ATIC: variants seen among roughly 807,000 people sequenced by gnomAD.
ATIC encodes bifunctional purine biosynthesis protein ATIC.
Under a neutral mutation model 72.5 loss-of-function variants are expected in ATIC, and 64 were observed. That is an observed-to-expected ratio of 0.88 (90% CI 0.72 to 1.09). ATIC has a LOEUF of 1.09. ATIC is among the 50% of genes least tolerant of loss of function. ATIC has a pLI of 0.00. For missense variants in ATIC, 787 were observed against 732.4 expected (o/e 1.07, Z -0.86); for synonymous variants, 281 against 267.1 (o/e 1.05, Z -0.51).
downstream of ATIC, among the ~76,000 whole-genome samples, chr2:215,349,963 C>T (rs2053117375): frequency 6.6e-6 from 1 of 152,126 alleles, no homozygotes; most frequent in African/African-American, 2.4e-5. Flanking sequence ...TGGCACAAGT[C>T]ACTGTGTACA....
At chr2:215,362,281 A>G in the ATIC span, 1 of 587,418 alleles carries the variant, frequency 1.7e-6, no homozygotes, top group Non-Finnish European at 3.1e-6. Context: ...TTATACCTAC[A>G]TCTGTCTCTC....
At chr2:215,338,711 T>A in intron 11 of ATIC, 68 bp from the exon 12 acceptor site, 1 of 1,516,974 alleles carries the variant, frequency 6.6e-7, no homozygotes. Context: ...ATCTTTTGTA[T>A]ATAAATTAAA....
intron 2 of ATIC, 24 bp from the exon 3 acceptor site, chr2:215,318,133 C>G (rs776634842): frequency 6.3e-7 from 1 of 1,598,310 alleles, no homozygotes; most frequent in South Asian, 1.1e-5. Context: ...ACCAGTAGTA[C>G]CATTCTGTTT....
At chr2:215,316,536 C>G (rs2052711614) in intron 2 of ATIC, among the ~76,000 whole-genome samples, 1 of 152,178 alleles carries the variant, frequency 6.6e-6, no homozygotes, top group Non-Finnish European at 1.5e-5. Context: ...TGAATAATCA[C>G]TGTACTCCAG....
intron 2 of ATIC, among the ~76,000 whole-genome samples, chr2:215,313,231 G>A: frequency 6.6e-6 from 1 of 152,260 alleles, no homozygotes. Context: ...TAACTTAGGT[G>A]GGCCACTTGT....
intron 5 of ATIC, 71 bp downstream of exon 5, chr2:215,325,400 G>A: frequency 8.5e-7 from 1 of 1,175,254 alleles, no homozygotes; most frequent in East Asian, 2.4e-5. Context: ...ATTTCATTTT[G>A]AATTTTATTA....
chr2:215,344,076 A>G (rs2053047274), intron 12 of ATIC, among the ~76,000 whole-genome samples: 1 of 152,204 alleles, frequency 6.6e-6, no homozygotes, highest in African/African-American at 2.4e-5. Context: ...TGTCTATGAA[A>G]CAATTCTCCG....
At chr2:215,317,761 T>G (rs1387141493) in intron 2 of ATIC, among the ~76,000 whole-genome samples, 1 of 152,154 alleles carries the variant, frequency 6.6e-6, no homozygotes, top group Non-Finnish European at 1.5e-5. Context: ...AGTGCTGGGT[T>G]TACAGCCATG....
intron 7 of ATIC, among the ~76,000 whole-genome samples, chr2:215,328,880 G>A (rs1028946663): frequency 6.6e-6 from 1 of 152,028 alleles, no homozygotes; most frequent in African/African-American, 2.4e-5. Context: ...ACCACACCTG[G>A]CTAATTTTGT....
chr2:215,343,453 C>T (rs942855129), intron 12 of ATIC, among the ~76,000 whole-genome samples: 18 of 152,140 alleles, frequency 1.2e-4, no homozygotes, highest in African/African-American at 3.9e-4. Flanking sequence ...TCTCCTGTCT[C>T]AGCTTCCCAA....
In ATIC at chr2:215,341,542, C is replaced by T. The variant is rs189083908; in HGVS notation, c.1227+2635C>T. ...AGGATGAGAGAATGATAGCTTTGTTCTCCTTTCTGTTTTACCCGTCTTTTT... is the reference window on the plus strand; with the variant it reads ...AGGATGAGAGAATGATAGCTTTGTTTTCCTTTCTGTTTTACCCGTCTTTTT... On this transcript the variant is annotated intron_variant, in intron 12 of 15. Transcript: ENST00000236959. Among the ~76,000 whole-genome samples, 243 of 152,268 alleles carry T rather than the reference C, an allele frequency of 1.6e-3. 1 individual carries two copies. Among genetic ancestry groups the T allele is most frequent in the Middle Eastern group, 6.8e-3 (2 of 294 alleles).
chr2:215,312,380 G>C, intron 1 of ATIC, 118 bp from the exon 2 acceptor site: 1 of 1,569,952 alleles, frequency 6.4e-7, no homozygotes, highest in South Asian at 1.1e-5. Context: ...GCCTGCGAAC[G>C]CAGGGTCCAG....
Position 215,316,039 on chromosome 2 carries a change from A to G in ATIC, c.147-2118A>G, listed in dbSNP as rs149680624. Among the ~76,000 whole-genome samples, 820 of 152,222 alleles carry G rather than the reference A, an allele frequency of 5.4e-3. 6 individuals carry two copies. Among genetic ancestry groups the G allele is most frequent in the African/African-American group, 0.019 (771 of 41,542 alleles). On this transcript the variant is annotated intron_variant, in intron 2 of 15. Coordinates refer to ENST00000236959, the MANE Select transcript of ATIC (RefSeq NM_004044.7). ...TTATCTGCAATAATTTTATCCCAGGAAGTTAACCATTACCTTGTCATGAGG... is the reference window on the plus strand; with the variant it reads ...TTATCTGCAATAATTTTATCCCAGGGAGTTAACCATTACCTTGTCATGAGG...
intron 2 of ATIC, among the ~76,000 whole-genome samples, chr2:215,314,617 G>A (rs180685593): frequency 4.6e-5 from 7 of 152,046 alleles, no homozygotes; most frequent in Non-Finnish European, 8.8e-5. Context: ...TCCTGCCTCA[G>A]CCTCCCAAGT....
intron 4 of ATIC, among the ~76,000 whole-genome samples, chr2:215,321,760 T>C (rs1203535562): frequency 6.6e-6 from 1 of 152,238 alleles, no homozygotes; most frequent in African/African-American, 2.4e-5. Flanking sequence ...TAGCCAGTTG[T>C]TTACCTCCTT....
downstream of ATIC, among the ~76,000 whole-genome samples, chr2:215,354,120 A>G (rs761611271): frequency 6.6e-6 from 1 of 151,660 alleles, no homozygotes; most frequent in Non-Finnish European, 1.5e-5. Flanking sequence ...CTCTGCCTCC[A>G]TGGTTCAAGC....
intron 12 of ATIC, among the ~76,000 whole-genome samples, chr2:215,340,929 C>G (rs985656167): frequency 6.6e-5 from 10 of 152,192 alleles, no homozygotes; most frequent in Non-Finnish European, 1.5e-5. Context: ...TTAGCACTTG[C>G]TGTCTGTCCG....
downstream of ATIC, among the ~76,000 whole-genome samples, chr2:215,350,317 T>G (rs1400586901): frequency 1.3e-5 from 2 of 152,162 alleles, no homozygotes; most frequent in Admixed American, 6.6e-5. Flanking sequence ...TTGTATTTAG[T>G]AGAGACAGGG....
intron 10 of ATIC, 156 bp from the exon 11 acceptor site, chr2:215,335,875 AATAG>A (rs1235757123): frequency 1.6e-6 from 1 of 616,362 alleles, no homozygotes; most frequent in East Asian, 2.9e-5. Context: ...GCTGTATTCT[AATAG>A]ATTTCTCTTT....
Sources: allele counts gnomAD v4.1 joint callset (sites outside exome capture counted in the v4.1 genomes callset), GRCh38; gene constraint gnomAD v4.1.1; transcripts MANE v1.5; gene names NCBI Gene and HGNC (gene_info 2026-07-23, HGNC 2026-07-21).